The following PPM1L variants were observed in gnomAD, a reference collection of about 807,000 sequenced individuals.
PPM1L encodes the protein protein phosphatase, Mg2+/Mn2+ dependent 1L.
A neutral mutation model predicts 31.4 loss-of-function variants in PPM1L; 13 were observed. The observed-to-expected ratio is 0.41, with a 90% CI of 0.27 to 0.66. PPM1L has a LOEUF of 0.66. Among genes scored for constraint, PPM1L ranks in the 30% least tolerant of loss-of-function variants. The pLI is 0.29. For synonymous variants in PPM1L, 184 were observed against 175.4 expected (o/e 1.05, Z -0.39); for missense variants, 326 against 453.7 (o/e 0.72, Z 2.56).
At chr3:160,837,976 C>G (rs1360529924) in intron 1 of PPM1L, among the ~76,000 whole-genome samples, 1 of 152,072 alleles carries the variant, frequency 6.6e-6, no homozygotes, top group Non-Finnish European at 1.5e-5. Context: ...GTGGGGTAGA[C>G]AAATGCTTAT....
At chr3:160,881,851 A>C (rs1712731453) in intron 1 of PPM1L, among the ~76,000 whole-genome samples, 4 of 152,158 alleles carry the variant, frequency 2.6e-5, no homozygotes, top group Non-Finnish European at 2.9e-5. Flanking sequence ...GGAGATTGAG[A>C]CCATCCTGGC....
chr3:160,835,039 ACTTCTT>A (rs201253772), intron 1 of PPM1L, among the ~76,000 whole-genome samples: 2,661 of 131,790 alleles, frequency 0.02, 46 homozygotes, highest in South Asian at 0.026. Flanking sequence ...TACTACTACT[ACTTCTT>A]CTTCTTCTTC....
chr3:160,869,807 A>G (rs889889165), intron 1 of PPM1L, among the ~76,000 whole-genome samples: 3 of 152,116 alleles, frequency 2.0e-5, no homozygotes, highest in African/African-American at 7.2e-5. Context: ...TATTGCAAAC[A>G]TGACTGGGTA....
chr3:160,882,454 T>A (rs1313879472), intron 1 of PPM1L: 1 of 152,252 alleles, frequency 6.6e-6, no homozygotes, highest in Non-Finnish European at 1.5e-5. Context: ...GAACTTTTAC[T>A]TTATTTTAGT....
chr3:160,818,046 A>C (rs965771174), intron 1 of PPM1L, among the ~76,000 whole-genome samples: 3 of 152,052 alleles, frequency 2.0e-5, no homozygotes, highest in African/African-American at 7.2e-5. Flanking sequence ...TATTTAAAGA[A>C]AAATAAAATC....
chr3:160,920,877 A>C (rs1318680645), intron 1 of PPM1L, among the ~76,000 whole-genome samples: 1 of 152,140 alleles, frequency 6.6e-6, no homozygotes, highest in African/African-American at 2.4e-5. Flanking sequence ...CTAAGAAGGT[A>C]TAGTTACTAG....
At chr3:160,805,949 A>G (rs1422275182) in intron 1 of PPM1L, among the ~76,000 whole-genome samples, 1 of 152,154 alleles carries the variant, frequency 6.6e-6, no homozygotes, top group Non-Finnish European at 1.5e-5. Flanking sequence ...TATTGAGCCC[A>G]TATTCTTGCC....
intron 2 of PPM1L, among the ~76,000 whole-genome samples, chr3:161,014,213 G>T (rs1250233832): frequency 2.6e-5 from 4 of 152,108 alleles, no homozygotes; most frequent in South Asian, 2.1e-4. Context: ...TGTAGGGCAG[G>T]CCTGGTGGTG....
Position 161,065,400 on chromosome 3 carries a change from C to T in PPM1L, c.575-3C>T. On this transcript the variant is annotated splice_region_variant and splice_polypyrimidine_tract_variant and intron_variant, in intron 2 of 3. Transcript: ENST00000498165. ...CGCGTTCTCTCTCTCTTCTATTTTTCAGGCACAACGTGTTTGATTGCTCTG... is the reference window on the plus strand; with the variant it reads ...CGCGTTCTCTCTCTCTTCTATTTTTTAGGCACAACGTGTTTGATTGCTCTG... 20 of 1,613,014 alleles carry T rather than the reference C, an allele frequency of 1.2e-5. No homozygotes were observed. The highest frequency in any genetic ancestry group is 1.7e-5 in the Non-Finnish European group (20 of 1,179,344).
At chr3:160,785,474 A>T (rs910206221) in intron 1 of PPM1L, among the ~76,000 whole-genome samples, 1 of 152,116 alleles carries the variant, frequency 6.6e-6, no homozygotes, top group Non-Finnish European at 1.5e-5. Context: ...AAAAACTTAA[A>T]TTTTCTTCTA....
At chr3:160,814,999 G>A (rs1560115083) in intron 1 of PPM1L, among the ~76,000 whole-genome samples, 1 of 152,090 alleles carries the variant, frequency 6.6e-6, no homozygotes, top group Non-Finnish European at 1.5e-5. Context: ...TCGGGATTCA[G>A]GGGGTAGGGT....
chr3:160,849,187 C>T (rs1297086854), intron 1 of PPM1L, among the ~76,000 whole-genome samples: 1 of 152,180 alleles, frequency 6.6e-6, no homozygotes, highest in Non-Finnish European at 1.5e-5. Flanking sequence ...CACAGCTACA[C>T]ATGCACTATT....
intron 1 of PPM1L, among the ~76,000 whole-genome samples, chr3:160,780,228 A>G (rs1354512101): frequency 1.3e-5 from 2 of 152,220 alleles, no homozygotes; most frequent in Non-Finnish European, 2.9e-5. Context: ...AAGGATATAA[A>G]GAGCCCTTCA....
At chr3:160,894,288 T>G (rs957012236) in intron 1 of PPM1L, among the ~76,000 whole-genome samples, 2 of 152,204 alleles carry the variant, frequency 1.3e-5, no homozygotes, top group Non-Finnish European at 2.9e-5. Flanking sequence ...ACTTAATATA[T>G]AATATGAATC....
chr3:160,778,199 A>G (rs1326297004), intron 1 of PPM1L, among the ~76,000 whole-genome samples: 1 of 126,422 alleles, frequency 7.9e-6, no homozygotes, highest in African/African-American at 3.4e-5. Context: ...GAGAAATATT[A>G]TTTAAGTTTT....
intron 1 of PPM1L, among the ~76,000 whole-genome samples, chr3:160,795,920 G>A (rs1712234483): frequency 6.6e-6 from 1 of 152,154 alleles, no homozygotes; most frequent in Non-Finnish European, 1.5e-5. Flanking sequence ...AGTGCTCAGT[G>A]CTACTGATTT....
rs942431159 is a variant in PPM1L, at chr3:160,998,978, G to A, written c.574+37068G>A. Among the ~76,000 whole-genome samples, 10 of 152,216 alleles carry A rather than the reference G, an allele frequency of 6.6e-5. No homozygotes were observed. In the East Asian group the frequency reaches 1.5e-3, roughly 23 times the overall value. On this transcript the variant is annotated intron_variant, in intron 2 of 3. Coordinates refer to ENST00000498165, the MANE Select transcript of PPM1L (RefSeq NM_139245.4). ...CAAAAAAAGAAAAGAAAAGAAAGCC[G>A]GTGGTGAAAAGAACCATGTTTTCTC...
At chr3:160,972,107 A>T (rs1716359798) in intron 2 of PPM1L, among the ~76,000 whole-genome samples, 1 of 152,092 alleles carries the variant, frequency 6.6e-6, no homozygotes, top group Non-Finnish European at 1.5e-5. Context: ...AACTGATATT[A>T]ATTAGTTTAT....
At chr3:161,052,577 A>G (rs1201450249) in intron 2 of PPM1L, among the ~76,000 whole-genome samples, 2 of 152,222 alleles carry the variant, frequency 1.3e-5, no homozygotes, top group African/African-American at 4.8e-5. Context: ...TAGCAATCCT[A>G]ATAGCCCCTA....
Sources: gnomAD v4.1 joint callset for allele counts (sites outside exome capture counted in the v4.1 genomes callset) on GRCh38, gnomAD v4.1.1 for gene constraint, MANE v1.5 for transcripts, NCBI Gene and HGNC (gene_info 2026-07-23, HGNC 2026-07-21) for gene names.